The following TOX variants were observed in gnomAD, a reference collection of about 807,000 sequenced individuals.
TOX encodes thymocyte selection-associated high mobility group box protein TOX.
TOX carries 11 observed loss-of-function variants against 53.7 expected under a neutral mutation model. The observed-to-expected ratio is 0.20, with a 90% CI of 0.13 to 0.34. The LOEUF (loss-of-function observed/expected upper bound fraction) is 0.34, where lower values mean the gene tolerates loss of function less well. TOX is among the 10% of genes least tolerant of loss of function. TOX has a pLI of 1.00. For synonymous variants in TOX, 225 were observed against 245.3 expected (o/e 0.92, Z 0.77); for missense variants, 570 against 664.6 (o/e 0.86, Z 1.56).
chr8:58,925,857 T>C (rs957406302), intron 3 of TOX, among the ~76,000 whole-genome samples: 1 of 152,248 alleles, frequency 6.6e-6, no homozygotes, highest in African/African-American at 2.4e-5. Flanking sequence ...ACTATGTTTC[T>C]ATAGCTTTCT....
At chr8:58,871,917 C>G (rs1195309851) in intron 3 of TOX, among the ~76,000 whole-genome samples, 2 of 152,030 alleles carry the variant, frequency 1.3e-5, no homozygotes, top group Non-Finnish European at 2.9e-5. Flanking sequence ...GTTAAGAGAT[C>G]CAGGAAGCAA....
At position 59,092,263 on chromosome 8, in the gene TOX, TTTTATA is replaced by T. The variant is rs1339506981; in HGVS notation, c.102+26617_102+26622del. ...CAAGACTCCATCTCATATATATATA[TTTTATA>T]TATATATATATATTATATATACATT... is the stretch of plus-strand genomic sequence containing the variant. On this transcript the variant is annotated intron_variant, in intron 1 of 8. Transcript: ENST00000361421. Among the ~76,000 whole-genome samples, 4 of 48,848 alleles carry T rather than the reference TTTTATA, an allele frequency of 8.2e-5. 1 individual carries two copies. Among genetic ancestry groups the T allele is most frequent in the African/African-American group, 3.7e-4 (3 of 8,140 alleles). 32.0% of individuals were successfully genotyped at this position (48,848 alleles called of 152,430 possible). A position where few individuals can be genotyped will look rare whatever the true frequency, so the allele number is the denominator to read the frequency against.
At chr8:59,107,506 A>C (rs1012682568) in intron 1 of TOX, among the ~76,000 whole-genome samples, 3 of 152,204 alleles carry the variant, frequency 2.0e-5, no homozygotes, top group Non-Finnish European at 4.4e-5. Flanking sequence ...TAATACTATC[A>C]GATGTTGAAA....
At chr8:58,996,269 G>A (rs1813559771) in intron 1 of TOX, among the ~76,000 whole-genome samples, 1 of 152,224 alleles carries the variant, frequency 6.6e-6, no homozygotes, top group South Asian at 2.1e-4. Context: ...GCAAAGCAGA[G>A]ACTGAGATCA....
At chr8:59,114,291 T>C (rs1378799614) in intron 1 of TOX, among the ~76,000 whole-genome samples, 1 of 152,242 alleles carries the variant, frequency 6.6e-6, no homozygotes, top group Non-Finnish European at 1.5e-5. Context: ...AAACTACCTA[T>C]GCAATGTTAA....
At chr8:59,013,703 C>A (rs1359163595) in intron 1 of TOX, among the ~76,000 whole-genome samples, 2 of 152,192 alleles carry the variant, frequency 1.3e-5, no homozygotes, top group Non-Finnish European at 2.9e-5. Context: ...GCCAGCGCAC[C>A]TGGCCATCAA....
chr8:58,911,653 A>T (rs543263275), intron 3 of TOX, among the ~76,000 whole-genome samples: 2 of 152,306 alleles, frequency 1.3e-5, no homozygotes, highest in South Asian at 4.1e-4. Flanking sequence ...AAGATGATCA[A>T]GGCATCTCTG....
At chr8:58,824,312 CCATCA>C (rs1810332156) in intron 6 of TOX, among the ~76,000 whole-genome samples, 1 of 152,138 alleles carries the variant, frequency 6.6e-6, no homozygotes, top group Admixed American at 6.5e-5. Flanking sequence ...AACGTAAGTC[CCATCA>C]GGGTATCTGT....
intron 2 of TOX, among the ~76,000 whole-genome samples, chr8:58,944,152 C>T (rs765816372): frequency 2.9e-4 from 44 of 152,328 alleles, no homozygotes; most frequent in Admixed American, 2.0e-3. Flanking sequence ...CTGAGCTACG[C>T]AACAGGACTC....
At chr8:59,083,504 C>T (rs976253013) in intron 1 of TOX, among the ~76,000 whole-genome samples, 5 of 151,968 alleles carry the variant, frequency 3.3e-5, no homozygotes, top group African/African-American at 1.2e-4. Context: ...CCACAAGGAG[C>T]ATTTATGGAG....
At chr8:59,056,596 G>A (rs1563432246) in intron 1 of TOX, among the ~76,000 whole-genome samples, 1 of 152,138 alleles carries the variant, frequency 6.6e-6, no homozygotes, top group Non-Finnish European at 1.5e-5. Context: ...AAGGATTAAA[G>A]GATTGAATCT....
At chr8:58,915,153 T>G in intron 3 of TOX, among the ~76,000 whole-genome samples, 1 of 151,502 alleles carries the variant, frequency 6.6e-6, no homozygotes, top group Non-Finnish European at 1.5e-5. Flanking sequence ...CCAGGCTTGC[T>G]TAGGTAAACA....
At chr8:59,031,308 A>G (rs1268085794) in intron 1 of TOX, among the ~76,000 whole-genome samples, 1 of 152,228 alleles carries the variant, frequency 6.6e-6, no homozygotes, top group African/African-American at 2.4e-5. Flanking sequence ...CTTCTAGGAC[A>G]AGATGTACAA....
rs147813456 is a variant in TOX, at chr8:59,114,490, T to C, written c.102+4396A>G. 5.0e-3 allele frequency among the ~76,000 whole-genome samples: 758 copies of C among 152,334 alleles called. 13 individuals are homozygous for C. The highest frequency in any genetic ancestry group is 0.017 in the African/African-American group (719 of 41,576). Reference sequence around the variant, plus strand: ...TTATGCTCTTTCTTACATAGGCATTTATTTAAAACATATTTAACAACCTGA... The same window carrying C: ...TTATGCTCTTTCTTACATAGGCATTCATTTAAAACATATTTAACAACCTGA... On this transcript the variant is annotated intron_variant, in intron 1 of 8. Transcript: ENST00000361421.
intron 1 of TOX, among the ~76,000 whole-genome samples, chr8:58,960,628 T>C (rs1348522244): frequency 6.6e-6 from 1 of 152,210 alleles, no homozygotes; most frequent in African/African-American, 2.4e-5. Flanking sequence ...TTTGAAATAT[T>C]TCAGATATCG....
intron 1 of TOX, among the ~76,000 whole-genome samples, chr8:59,018,320 G>A (rs1814053098): frequency 6.6e-6 from 1 of 152,166 alleles, no homozygotes; most frequent in Admixed American, 6.5e-5. Context: ...AGTGGGAACA[G>A]GGAACTGGGA....
chr8:58,965,677 A>T (rs894264973), intron 1 of TOX, among the ~76,000 whole-genome samples: 1 of 152,130 alleles, frequency 6.6e-6, no homozygotes, highest in African/African-American at 2.4e-5. Flanking sequence ...TTGCCTACAA[A>T]GGGAAAAATC....
chr8:58,931,906 A>T (rs180915453), intron 3 of TOX, among the ~76,000 whole-genome samples: 102 of 152,272 alleles, frequency 6.7e-4, no homozygotes, highest in Admixed American at 1.5e-3. Context: ...AGAAAAGAAA[A>T]AGTGTTATTT....
chr8:58,885,219 TCTA>T (rs1811446025), intron 3 of TOX, among the ~76,000 whole-genome samples: 1 of 152,164 alleles, frequency 6.6e-6, no homozygotes, highest in Non-Finnish European at 1.5e-5. Flanking sequence ...CTATCATTCT[TCTA>T]CTGCAAAATA....
Sources: gnomAD v4.1 joint callset for allele counts (sites outside exome capture counted in the v4.1 genomes callset) on GRCh38, gnomAD v4.1.1 for gene constraint, MANE v1.5 for transcripts, NCBI Gene and HGNC (gene_info 2026-07-23, HGNC 2026-07-21) for gene names.